Variants in NCKAP5 observed in about 807,000 individuals in gnomAD.
NCKAP5 encodes NCK associated protein 5.
NCKAP5 carries 92 observed loss-of-function variants against 167.0 expected under a neutral mutation model. The ratio of observed to expected loss-of-function variants is 0.55; its 90% confidence interval spans 0.47 to 0.66. The LOEUF is 0.66. Among genes scored for constraint, NCKAP5 ranks in the 30% least tolerant of loss-of-function variants. The pLI, the probability that NCKAP5 is intolerant of heterozygous loss-of-function variation, is 0.00. For missense variants in NCKAP5, 2,378 were observed against 2,315.0 expected (o/e 1.03, Z -0.56); for synonymous variants, 891 against 877.4 (o/e 1.02, Z -0.27).
At chr2:133,058,375 C>A (rs1195601815) in intron 6 of NCKAP5, among the ~76,000 whole-genome samples, 1 of 152,108 alleles carries the variant, frequency 6.6e-6, no homozygotes, top group African/African-American at 2.4e-5. Context: ...AATTGAAAAC[C>A]TTCTGGAAAG....
At chr2:132,868,694 G>C (rs1336902072) in intron 10 of NCKAP5, among the ~76,000 whole-genome samples, 4 of 151,980 alleles carry the variant, frequency 2.6e-5, no homozygotes. Flanking sequence ...TACTCATCTG[G>C]GTAAATGAAA....
chr2:132,731,631 C>G (rs1284267275), intron 17 of NCKAP5, 106 bp downstream of exon 17: 2 of 1,230,080 alleles, frequency 1.6e-6, no homozygotes, highest in Non-Finnish European at 2.2e-6. Flanking sequence ...TTTCACATAT[C>G]TACATTTTTA....
intron 6 of NCKAP5, among the ~76,000 whole-genome samples, chr2:133,019,068 T>A (rs549596657): frequency 1.3e-5 from 2 of 152,332 alleles, no homozygotes; most frequent in African/African-American, 4.8e-5. Context: ...TGAAGTAGAT[T>A]CCTAATTCTT....
chr2:133,642,449 T>C, the NCKAP5 span, among the ~76,000 whole-genome samples: 3 of 152,176 alleles, frequency 2.0e-5, no homozygotes, highest in African/African-American at 7.2e-5. Flanking sequence ...TCTTCAGAAT[T>C]TGGCAGTCTC....
chr2:133,595,993 C>T, the NCKAP5 span: 1 of 152,098 alleles, frequency 6.6e-6, no homozygotes, highest in Non-Finnish European at 1.5e-5. Context: ...AAACATCATA[C>T]CTATATAAAT....
At chr2:133,329,650 A>C (rs2150714899) in intron 3 of NCKAP5, among the ~76,000 whole-genome samples, 1 of 152,330 alleles carries the variant, frequency 6.6e-6, no homozygotes, top group Admixed American at 6.5e-5. Flanking sequence ...ACAAGGGAGA[A>C]CATCTGTATC....
chr2:133,286,714 G>C (rs1679168393), intron 4 of NCKAP5, among the ~76,000 whole-genome samples: 1 of 152,136 alleles, frequency 6.6e-6, no homozygotes, highest in South Asian at 2.1e-4. Context: ...ACTAGAATAT[G>C]TCCAACAGGT....
intron 3 of NCKAP5, among the ~76,000 whole-genome samples, chr2:133,308,719 T>A (rs907814774): frequency 7.7e-6 from 1 of 130,554 alleles, no homozygotes; most frequent in African/African-American, 3.0e-5. Context: ...TTTTTTTTTT[T>A]GAGACGGAGT....
Position 133,517,503 on chromosome 2 carries a change from C to A in NCKAP5, c.24G>T (p.Glu8Asp). 1 of 1,539,178 alleles carries A rather than the reference C, an allele frequency of 6.5e-7. No homozygotes were observed. The highest frequency in any genetic ancestry group is 2.4e-5 in the East Asian group (1 of 41,944). Reference protein sequence around the residue: MEGKRQLEKRDFGKRLSL... With the variant: MEGKRQLDKRDFGKRLSL... ...ACAGCCTTTTTCCAAAGTCCCTTTT[C>A]TCAAGCTGTCTCTTTCCCTCCATGG... Residue 8 changes from glutamate (E) to aspartate (D), a missense_variant, in exon 3 of 20, where the codon GAG becomes GAT. Transcript: ENST00000409261.
intron 8 of NCKAP5, among the ~76,000 whole-genome samples, chr2:132,926,709 T>C (rs1004907195): frequency 6.6e-6 from 1 of 152,236 alleles, no homozygotes; most frequent in African/African-American, 2.4e-5. Flanking sequence ...CTTTGCCCAC[T>C]TTTTAATGGG....
chr2:132,774,319 A>G (rs1202983498), intron 15 of NCKAP5, among the ~76,000 whole-genome samples: 2 of 152,234 alleles, frequency 1.3e-5, no homozygotes, highest in African/African-American at 4.8e-5. Flanking sequence ...TTATTTTAAT[A>G]GGAATAAAAA....
At chr2:132,942,211 C>T (rs539418083) in intron 8 of NCKAP5, among the ~76,000 whole-genome samples, 2 of 152,260 alleles carry the variant, frequency 1.3e-5, no homozygotes, top group East Asian at 3.9e-4. Context: ...TTTCAATAAA[C>T]ATTAAACATG....
At chr2:133,640,246 C>A in the NCKAP5 span, among the ~76,000 whole-genome samples, 1 of 152,094 alleles carries the variant, frequency 6.6e-6, no homozygotes, top group Non-Finnish European at 1.5e-5. Context: ...CTATATTATT[C>A]TATACACTTT....
intron 5 of NCKAP5, among the ~76,000 whole-genome samples, chr2:133,163,857 T>C (rs2083896979): frequency 6.6e-6 from 1 of 152,232 alleles, no homozygotes; most frequent in Non-Finnish European, 1.5e-5. Flanking sequence ...AGATTCCTGT[T>C]ATTTGGAGCC....
intron 3 of NCKAP5, among the ~76,000 whole-genome samples, chr2:133,388,036 C>A (rs1211396258): frequency 6.6e-6 from 1 of 152,236 alleles, no homozygotes; most frequent in East Asian, 1.9e-4. Flanking sequence ...GCCTTCTTCT[C>A]TCAACTCATC....
intron 8 of NCKAP5, among the ~76,000 whole-genome samples, chr2:132,904,001 G>C (rs1171647938): frequency 6.6e-6 from 1 of 152,022 alleles, no homozygotes; most frequent in African/African-American, 2.4e-5. Flanking sequence ...AAAAATATTT[G>C]ATAATGGCCC....
intron 7 of NCKAP5, among the ~76,000 whole-genome samples, chr2:132,989,200 C>T (rs910567668): frequency 3.9e-5 from 6 of 152,180 alleles, no homozygotes; most frequent in East Asian, 1.9e-4. Flanking sequence ...CTCAGGCTGT[C>T]CGTGTTTAAA....
chr2:133,380,658 G>C (rs1254496710), intron 3 of NCKAP5, among the ~76,000 whole-genome samples: 1 of 152,136 alleles, frequency 6.6e-6, no homozygotes, highest in Admixed American at 6.6e-5. Flanking sequence ...GTGTTGTTCA[G>C]ACCTTTGCTA....
chr2:133,558,266 C>T (rs1402574465), intron 2 of NCKAP5: 6 of 152,080 alleles, frequency 3.9e-5, no homozygotes, highest in African/African-American at 1.4e-4. Context: ...GTCTCTGGTT[C>T]ATTAAGAGAC....
Sources: gnomAD v4.1 joint callset for allele counts (sites outside exome capture counted in the v4.1 genomes callset) on GRCh38, gnomAD v4.1.1 for gene constraint, MANE v1.5 for transcripts, NCBI Gene and HGNC (gene_info 2026-07-23, HGNC 2026-07-21) for gene names.